The following CHRNB2 variants were observed in gnomAD, a reference collection of about 807,000 sequenced individuals.
CHRNB2 encodes the protein cholinergic receptor nicotinic beta 2 subunit, also known as neuronal acetylcholine receptor subunit beta-2.
Under a neutral mutation model 42.7 loss-of-function variants are expected in CHRNB2, and 33 were observed. That is an observed-to-expected ratio of 0.77 (90% CI 0.59 to 1.03). CHRNB2 has a LOEUF of 1.03. Among genes scored for constraint, CHRNB2 ranks in the 50% least tolerant of loss-of-function variants. CHRNB2 has a pLI of 0.00. For synonymous variants in CHRNB2, 325 were observed against 292.9 expected, an observed-to-expected ratio of 1.11 and a Z score of -1.12; for missense variants, 603 against 700.9, an observed-to-expected ratio of 0.86 and a Z score of 1.58.
At chr1:154,569,968 A>G in intron 3 of CHRNB2, 132 bp downstream of exon 3, 2 of 1,035,016 alleles carry the variant, frequency 1.9e-6, no homozygotes, top group Non-Finnish European at 1.5e-6. Context: ...AAACAATTGG[A>G]TTTGAATCTT....
chr1:154,576,062 C>G lies in CHRNB2; in HGVS notation c.*130C>G. On this transcript the variant is annotated 3_prime_UTR_variant, in exon 6 of 6. Transcript: ENST00000368476. ...CCACAGATCCATCCTTTTGCTTCAT[C>G]TGGAGTCCCTCCTCCCCCACGCCTC... 2 of 1,195,714 alleles carry G rather than the reference C, an allele frequency of 1.7e-6. No homozygotes were observed. The highest frequency in any genetic ancestry group is 2.4e-6 in the Non-Finnish European group (2 of 820,190). The allele number at this position is 1,195,714 out of a possible 1,614,324, so 74.1% of individuals were successfully genotyped here.
chr1:154,572,926 C>T (rs1387173945), intron 5 of CHRNB2, among the ~76,000 whole-genome samples: 1 of 152,106 alleles, frequency 6.6e-6, no homozygotes, highest in Non-Finnish European at 1.5e-5. Flanking sequence ...GCTGACATCC[C>T]CCCGACCCCG....
At position 154,571,759 on chromosome 1, in the gene CHRNB2, C is replaced by T. The variant is rs281865071; in HGVS notation, c.936C>T (p.Ile312=). ...MFTMVLVTFS[I]VTSVCVLNVH... is the part of the protein sequence containing the mutation. ...CCATGGTGCTTGTCACCTTCTCCAT[C>T]GTCACCAGCGTGTGCGTGCTCAACG... The change falls in exon 5 of 6, where the codon ATC becomes ATT. Residue 312 remains isoleucine (I), a synonymous_variant. Transcript: ENST00000368476. The surrounding 1 kb of genome is among the most constrained non-coding windows in gnomAD (Gnocchi z 6.8). The T allele has an allele frequency of 2.5e-6, 4 of 1,614,092 alleles. No individual in the cohort carries two copies. The highest frequency in any genetic ancestry group is 3.4e-6 in the Non-Finnish European group (4 of 1,180,040).
intron 5 of CHRNB2, 144 bp from the exon 6 acceptor site, chr1:154,575,618 T>C: frequency 1.1e-6 from 1 of 909,732 alleles, no homozygotes; most frequent in Non-Finnish European, 1.8e-6. Flanking sequence ...TTTACTAAGA[T>C]CAGAGCCATG....
At chr1:154,572,361 A>G (rs916332689) in intron 5 of CHRNB2, among the ~76,000 whole-genome samples, 200 bp downstream of exon 5, 1 of 152,068 alleles carries the variant, frequency 6.6e-6, no homozygotes, top group Non-Finnish European at 1.5e-5. Context: ...TGCGGCCTAA[A>G]TTGGAGTCGG....
At position 154,570,333 on chromosome 1, in the gene CHRNB2, C is replaced by T. The variant is rs1314503867; in HGVS notation, c.331C>T (p.His111Tyr). ...GAAGAAAGTTCGGCTCCCTTCCAAA[C>T]ACATCTGGCTCCCAGATGTGGTCCT... ...NMKKVRLPSK[H>Y]IWLPDVVLYN... The change falls in exon 4 of 6, where the codon CAC (histidine) becomes TAC (tyrosine). Residue 111 changes from histidine to tyrosine, a missense_variant. Around this residue, in one of 2 missense-constraint regions of CHRNB2, gnomAD observed 333 missense variants for 452.6 expected, o/e 0.74. Coordinates refer to ENST00000368476, the MANE Select transcript of CHRNB2 (RefSeq NM_000748.3). The T allele has an allele frequency of 6.2e-7, 1 of 1,612,074 alleles. No individual in the cohort carries two copies. The highest frequency in any genetic ancestry group is 1.7e-5 in the Admixed American group (1 of 59,828).
At chr1:154,575,503 T>C (rs573789551) in intron 5 of CHRNB2, among the ~76,000 whole-genome samples, 9 of 152,188 alleles carry the variant, frequency 5.9e-5, no homozygotes, top group South Asian at 2.1e-4. Context: ...GGCTATGTTA[T>C]GGGGTGGGAG....
rs1412678828 is a variant in CHRNB2 at position 154,579,460 on chromosome 1, G to A, written c.*3528G>A. On this transcript the variant is annotated 3_prime_UTR_variant, in exon 6 of 6. Transcript: ENST00000368476. ...AGGCAGGCAGAAGAGCTCCTTGGGAGGAAAGTAAGGGGCATTCAAAGCCTT... is the reference window on the plus strand; with the variant it reads ...AGGCAGGCAGAAGAGCTCCTTGGGAAGAAAGTAAGGGGCATTCAAAGCCTT... The A allele has an allele frequency of 1.3e-5, 2 of 152,220 alleles. No individual in the cohort carries two copies. Among genetic ancestry groups the A allele is most frequent in the African/African-American group, 4.8e-5 (2 of 41,430 alleles). 9.4% of individuals were successfully genotyped at this position (152,220 alleles called of 1,614,324 possible).
In CHRNB2 at chr1:154,579,571, A is replaced by G. The variant is rs2101533655; in HGVS notation, c.*3639A>G. On this transcript the variant is annotated 3_prime_UTR_variant, in exon 6 of 6. Transcript: ENST00000368476. ...GGCAGAGTCAGGCAGGTGTCATACC[A>G]TCCCTCCCCGCCCAACCAGTGCTGG... 1 of 152,322 alleles carries G rather than the reference A, an allele frequency of 6.6e-6. No homozygotes were observed. The highest frequency in any genetic ancestry group is 1.9e-4 in the East Asian group (1 of 5,184). 9.4% of individuals were successfully genotyped at this position (152,322 alleles called of 1,614,324 possible).
chr1:154,571,456 G>C lies in CHRNB2; in HGVS notation c.633G>C (p.Arg211=). 1.2e-6 allele frequency: 2 copies of C among 1,614,140 alleles called. No individual in the cohort carries two copies. Among genetic ancestry groups the C allele is most frequent in the Non-Finnish European group, 1.7e-6 (2 of 1,180,028 alleles). The stretch of plus-strand genomic sequence containing the variant: ...GGGACATCGTGGCGCTGCCGGGCCG[G>C]CGCAACGAGAACCCCGACGACTCTA... ...GEWDIVALPG[R]RNENPDDSTY... Residue 211 remains arginine, a synonymous_variant, in exon 5 of 6, where the codon CGG becomes CGC. Coordinates refer to ENST00000368476, the MANE Select transcript of CHRNB2 (RefSeq NM_000748.3). This position sits in a 1 kb window ranked among gnomAD's most constrained non-coding sequence, Gnocchi z 6.8.
At position 154,571,063 on chromosome 1, in the gene CHRNB2, CTCAGAT is replaced by C; in HGVS notation, c.366-125_366-120del. 6.3e-7 allele frequency: 1 copy of C among 1,582,350 alleles called. No individual in the cohort carries two copies. Among genetic ancestry groups the C allele is most frequent in the East Asian group, 2.3e-5 (1 of 44,398 alleles). ...CTCTCTATACTCCTGGATGGTTACT[CTCAGAT>C]CTGGGTGTCCCCTCCCCATGTCTCC... On this transcript the variant is annotated intron_variant, in intron 4 of 5. Transcript: ENST00000368476. This position sits in a 1 kb window ranked among gnomAD's most constrained non-coding sequence, Gnocchi z 6.8.
At position 154,577,514 on chromosome 1, in the gene CHRNB2, T is replaced by C. The variant is rs1007908452; in HGVS notation, c.*1582T>C. On this transcript the variant is annotated 3_prime_UTR_variant, in exon 6 of 6. Coordinates refer to ENST00000368476, the MANE Select transcript of CHRNB2 (RefSeq NM_000748.3). Reference sequence around the variant, plus strand: ...AGCTTCCTTGCCTATAAAACGTAGGTGGCAATGCCCTCTTCCTGAGGTTGC... The same window carrying C: ...AGCTTCCTTGCCTATAAAACGTAGGCGGCAATGCCCTCTTCCTGAGGTTGC... The C allele has an allele frequency of 6.6e-6, 1 of 152,358 alleles. No homozygotes were observed. Among genetic ancestry groups the C allele is most frequent in the East Asian group, 1.9e-4 (1 of 5,184 alleles). 9.4% of individuals were successfully genotyped at this position (152,358 alleles called of 1,614,324 possible).
intron 3 of CHRNB2, among the ~76,000 whole-genome samples, 180 bp downstream of exon 3, chr1:154,570,016 T>C (rs1010807160): frequency 1.3e-5 from 2 of 152,140 alleles, no homozygotes; most frequent in Non-Finnish European, 2.9e-5. Context: ...CATATTAAAC[T>C]CTCCAAGATT....
chr1:154,571,814 A>G lies in CHRNB2; in HGVS notation c.991A>G (p.Met331Val), dbSNP rs1207496178. Reference protein sequence around the residue: ...VHHRSPTTHTMAPWVKVVFLE... With the variant: ...VHHRSPTTHTVAPWVKVVFLE... ...CCACCGCTCGCCCACCACGCACACC[A>G]TGGCGCCCTGGGTGAAGGTCGTCTT... is the stretch of plus-strand genomic sequence containing the variant. The change falls in exon 5 of 6, where the codon ATG becomes GTG. Residue 331 changes from methionine (M) to valine (V), a missense_variant. This residue lies in a region of CHRNB2 where 333 missense variants were observed against 452.6 expected (regional missense o/e 0.74). Transcript: ENST00000368476. This position sits in a 1 kb window ranked among gnomAD's most constrained non-coding sequence, Gnocchi z 6.8. 1.5e-5 allele frequency: 24 copies of G among 1,613,794 alleles called. No homozygotes were observed. The highest frequency in any genetic ancestry group is 2.7e-5 in the African/African-American group (2 of 74,940).
Position 154,575,676 on chromosome 1 carries a change from G to C in CHRNB2, c.1339-86G>C, listed in dbSNP as rs969135339. ...TCACTGCAGGAGAGGAGTGGGGTGT[G>C]TGTCTGTGTGGTGGGACCCGCTTAT... is the stretch of plus-strand genomic sequence containing the variant. On this transcript the variant is annotated intron_variant, in intron 5 of 5. Coordinates refer to ENST00000368476, the MANE Select transcript of CHRNB2 (RefSeq NM_000748.3). The C allele has an allele frequency of 1.5e-5, 19 of 1,297,768 alleles. No individual in the cohort carries two copies. In the African/African-American group the frequency reaches 2.5e-4, roughly 17 times the overall value. 80.4% of individuals were successfully genotyped at this position (1,297,768 alleles called of 1,614,324 possible).
chr1:154,575,301 G>GA (rs1696250731), intron 5 of CHRNB2, among the ~76,000 whole-genome samples: 1 of 152,220 alleles, frequency 6.6e-6, no homozygotes, highest in Non-Finnish European at 1.5e-5. Flanking sequence ...ACACAGTGCA[G>GA]AGGGAACCCA....
chr1:154,579,128 A>G lies in CHRNB2; in HGVS notation c.*3196A>G, dbSNP rs533551442. 1 of 152,290 alleles carries G rather than the reference A, an allele frequency of 6.6e-6. No homozygotes were observed. The highest frequency in any genetic ancestry group is 6.5e-5 in the Admixed American group (1 of 15,306). 9.4% of individuals were successfully genotyped at this position (152,290 alleles called of 1,614,324 possible). A position where few individuals can be genotyped will look rare whatever the true frequency, so the allele number is the denominator to read the frequency against. On this transcript the variant is annotated 3_prime_UTR_variant, in exon 6 of 6. Transcript: ENST00000368476. Reference sequence around the variant, plus strand: ...AGCCCCCAGGTGGTGTGTTCTACTGAGGAAGGCTACGGCAGAGGAAGGGCA... The same window carrying G: ...AGCCCCCAGGTGGTGTGTTCTACTGGGGAAGGCTACGGCAGAGGAAGGGCA...
In CHRNB2 at chr1:154,575,830, C is replaced by G. The variant is rs138886952; in HGVS notation, c.1407C>G (p.Val469=). 2.8e-4 allele frequency: 456 copies of G among 1,614,176 alleles called. 3 individuals carry two copies. The East Asian group carries it at 8.7e-3, about 31-fold the overall frequency. The change falls in exon 6 of 6, where the codon GTC becomes GTG. Residue 469 remains valine (V), a synonymous_variant. Coordinates refer to ENST00000368476, the MANE Select transcript of CHRNB2 (RefSeq NM_000748.3). ...DRLFLWIFVF[V]CVFGTIGMFL... ...TCTTCCTCTGGATCTTTGTCTTTGT[C>G]TGTGTCTTTGGCACCATCGGCATGT...
intron 4 of CHRNB2, among the ~76,000 whole-genome samples, chr1:154,570,885 A>C (rs373570862): frequency 1.0e-3 from 159 of 152,138 alleles, no homozygotes; most frequent in African/African-American, 3.7e-3. Flanking sequence ...CAACCAGCTT[A>C]TACAATGTGT....
Sources: allele counts gnomAD v4.1 joint callset (sites outside exome capture counted in the v4.1 genomes callset), GRCh38; gene constraint gnomAD v4.1.1; regional missense constraint gnomAD v4.1.1; non-coding constraint Gnocchi (gnomAD v3.1); transcripts MANE v1.5; gene names NCBI Gene and HGNC (gene_info 2026-07-23, HGNC 2026-07-21).